The following STRN3 variants were observed in gnomAD, a reference collection of about 807,000 sequenced individuals.
STRN3 encodes the protein striatin 3.
In STRN3, 29 loss-of-function variants were observed where a neutral mutation model predicts 95.6. The ratio of observed to expected loss-of-function variants is 0.30; its 90% CI spans 0.23 to 0.41. The LOEUF (loss-of-function observed/expected upper bound fraction) is 0.41. Among genes scored for constraint, STRN3 ranks in the 10% least tolerant of loss-of-function variants. The pLI, the probability that STRN3 is intolerant of heterozygous loss-of-function variation, is 1.00. For missense variants in STRN3, 890 were observed against 972.1 expected (o/e 0.92, Z 1.12); for synonymous variants, 331 against 357.6 (o/e 0.93, Z 0.84).
intron 1 of STRN3, among the ~76,000 whole-genome samples, chr14:30,961,802 T>A (rs1042518779): frequency 2.6e-5 from 4 of 152,182 alleles, no homozygotes; most frequent in Non-Finnish European, 5.9e-5. Flanking sequence ...GAGAAGGGTA[T>A]TGCTTTGTTG....
chr14:30,974,342 A>C lies in STRN3; in HGVS notation c.283-18100T>G, dbSNP rs528410369. Among the ~76,000 whole-genome samples the C allele has an allele frequency of 2.5e-3, 386 of 152,302 alleles. 2 individuals carry two copies. Among genetic ancestry groups the C allele is most frequent in the Admixed American group, 4.6e-3 (70 of 15,284 alleles). On this transcript the variant is annotated intron_variant, in intron 1 of 17. Coordinates refer to ENST00000357479, the MANE Select transcript of STRN3 (RefSeq NM_001083893.2). ...TTCCATTCACAATAGCATCAAAAAG[A>C]ATATCTAGGAATTAACCAAGGATGT...
intron 14 of STRN3, 94 bp downstream of exon 14, chr14:30,906,783 G>T: frequency 1.6e-6 from 2 of 1,269,208 alleles, no homozygotes; most frequent in Non-Finnish European, 1.1e-6. Context: ...ATATCTCTTT[G>T]GAACAGTAAA....
chr14:30,950,965 A>G (rs1382887111), intron 3 of STRN3, 21 bp from the exon 4 acceptor site: 2 of 1,598,386 alleles, frequency 1.3e-6, no homozygotes, highest in Non-Finnish European at 1.7e-6. Context: ...AGAAAAAAAA[A>G]GTTTTACATA....
chr14:30,971,536 T>G (rs557525652), intron 1 of STRN3, among the ~76,000 whole-genome samples: 4 of 152,314 alleles, frequency 2.6e-5, no homozygotes, highest in African/African-American at 7.2e-5. Context: ...GTTAAAGGAA[T>G]AGCTGAACAA....
chr14:30,918,389 G>C (rs1488911590), intron 9 of STRN3, among the ~76,000 whole-genome samples: 2 of 151,844 alleles, frequency 1.3e-5, no homozygotes, highest in Non-Finnish European at 2.9e-5. Context: ...TGCGCCTATA[G>C]TCCCAGCTAC....
intron 3 of STRN3, among the ~76,000 whole-genome samples, chr14:30,953,707 G>A (rs747490266): frequency 2.0e-5 from 3 of 152,168 alleles, no homozygotes; most frequent in Non-Finnish European, 4.4e-5. Flanking sequence ...AAAATTCACT[G>A]TAGCCTTGAC....
chr14:30,918,538 C>T (rs2139011874), intron 9 of STRN3, among the ~76,000 whole-genome samples: 1 of 151,882 alleles, frequency 6.6e-6, no homozygotes, highest in South Asian at 2.1e-4. Flanking sequence ...AAAAAAGGTT[C>T]CAAGCACAAT....
intron 8 of STRN3, among the ~76,000 whole-genome samples, chr14:30,921,817 G>A (rs1191103117): frequency 6.6e-6 from 1 of 152,048 alleles, no homozygotes; most frequent in African/African-American, 2.4e-5. Context: ...ATTTATAGAA[G>A]TACAAATACC....
Position 31,010,006 on chromosome 14 carries a change from G to A in STRN3, c.282+15898C>T, listed in dbSNP as rs536306544. On this transcript the variant is annotated intron_variant, in intron 1 of 17. Transcript: ENST00000357479. The stretch of plus-strand genomic sequence containing the variant: ...TAGTCCCTGCTTCTGAGGAGGCTGA[G>A]GCAGGAGGATTGCTTGAGCCCAGAA... 2.6e-5 allele frequency among the ~76,000 whole-genome samples: 4 copies of A among 152,238 alleles called. No individual in the cohort carries two copies. The East Asian group carries it at 7.7e-4, about 29-fold the overall frequency.
intron 4 of STRN3, among the ~76,000 whole-genome samples, chr14:30,949,615 C>T (rs1207952723): frequency 2.6e-5 from 4 of 151,352 alleles, no homozygotes; most frequent in African/African-American, 7.3e-5. Context: ...GTCCGGGAGG[C>T]GGAGGTGATA....
chr14:30,951,532 A>G (rs953677317), intron 3 of STRN3, among the ~76,000 whole-genome samples: 1 of 152,086 alleles, frequency 6.6e-6, no homozygotes, highest in African/African-American at 2.4e-5. Context: ...ATGCCTGGCA[A>G]TTTAATTTTT....
chr14:30,895,608 CTGAG>C, intron 17 of STRN3, 28 bp from the exon 18 acceptor site: 1 of 1,609,700 alleles, frequency 6.2e-7, no homozygotes, highest in Non-Finnish European at 8.5e-7. Flanking sequence ...AAATTTGTTA[CTGAG>C]TAACAATCTT....
chr14:31,025,830 T>C, intron 1 of STRN3, 74 bp downstream of exon 1: 1 of 1,537,238 alleles, frequency 6.5e-7, no homozygotes, highest in Non-Finnish European at 8.7e-7. Context: ...TCCGGCTGAG[T>C]GGAGTCCCCA....
At chr14:30,922,874 C>G (rs962853231) in intron 8 of STRN3, among the ~76,000 whole-genome samples, 1 of 150,726 alleles carries the variant, frequency 6.6e-6, no homozygotes, top group Non-Finnish European at 1.5e-5. Context: ...GAGTATCAAT[C>G]TGATACATTC....
At chr14:30,986,770 T>C (rs577169519) in intron 1 of STRN3, among the ~76,000 whole-genome samples, 3 of 152,352 alleles carry the variant, frequency 2.0e-5, no homozygotes, top group Admixed American at 2.0e-4. Flanking sequence ...CCTACTTTAG[T>C]GTAATGTAGT....
chr14:30,951,313 G>A (rs1287156185), intron 3 of STRN3, among the ~76,000 whole-genome samples: 1 of 151,884 alleles, frequency 6.6e-6, no homozygotes, highest in Non-Finnish European at 1.5e-5. Context: ...TCGATTCACT[G>A]CAGTCTCGAC....
intron 1 of STRN3, among the ~76,000 whole-genome samples, chr14:30,979,733 G>A (rs944857999): frequency 5.9e-5 from 9 of 151,876 alleles, no homozygotes; most frequent in Admixed American, 4.6e-4. Flanking sequence ...CTGAGTAGCT[G>A]GGACTACAGG....
intron 4 of STRN3, 100 bp from the exon 5 acceptor site, chr14:30,947,363 G>T: frequency 2.2e-6 from 2 of 919,936 alleles, no homozygotes; most frequent in Non-Finnish European, 3.1e-6. Context: ...TATAAAATAT[G>T]CTCTCCCTTT....
chr14:31,010,884 CA>C (rs1280283550), intron 1 of STRN3, among the ~76,000 whole-genome samples: 10 of 152,102 alleles, frequency 6.6e-5, no homozygotes, highest in Admixed American at 6.5e-4. Context: ...CCTAAAAATA[CA>C]AAAATTAGCC....
Sources: allele counts gnomAD v4.1 joint callset (sites outside exome capture counted in the v4.1 genomes callset), GRCh38; gene constraint gnomAD v4.1.1; transcripts MANE v1.5; gene names NCBI Gene and HGNC (gene_info 2026-07-23, HGNC 2026-07-21).